The following NRG3 variants were observed in gnomAD, a reference collection of about 807,000 sequenced individuals.
The protein encoded by NRG3 is pro-neuregulin-3, membrane-bound isoform.
NRG3 carries 31 observed loss-of-function variants against 66.9 expected under a neutral mutation model. That is an observed-to-expected ratio of 0.46 (90% CI 0.35 to 0.63). The LOEUF is 0.63. NRG3 is among the 20% of genes least tolerant of loss of function. The pLI, the probability that NRG3 is intolerant of heterozygous loss-of-function variation, is 0.00. For synonymous variants in NRG3, 393 were observed against 359.4 expected, an observed-to-expected ratio of 1.09 and a Z score of -1.06; for missense variants, 910 against 878.9, an observed-to-expected ratio of 1.04 and a Z score of -0.45.
intron 3 of NRG3, among the ~76,000 whole-genome samples, chr10:82,769,113 T>C (rs1393143590): frequency 6.6e-6 from 1 of 152,130 alleles, no homozygotes; most frequent in Non-Finnish European, 1.5e-5. Context: ...TTTTAACCCA[T>C]AAAGAAAATG....
At chr10:81,980,734 A>G (rs775533128) in intron 1 of NRG3, among the ~76,000 whole-genome samples, 3 of 152,170 alleles carry the variant, frequency 2.0e-5, no homozygotes, top group Non-Finnish European at 4.4e-5. Flanking sequence ...TTTTCTCACA[A>G]TTCTGGAGGC....
intron 2 of NRG3, among the ~76,000 whole-genome samples, chr10:82,440,140 G>A (rs1238582029): frequency 6.6e-6 from 1 of 151,810 alleles, no homozygotes; most frequent in Non-Finnish European, 1.5e-5. Flanking sequence ...GACTCTACAG[G>A]TTCTCTATAT....
At chr10:82,381,664 C>T (rs1031266544) in intron 2 of NRG3, among the ~76,000 whole-genome samples, 2 of 152,128 alleles carry the variant, frequency 1.3e-5, no homozygotes, top group Admixed American at 1.3e-4. Flanking sequence ...AAACTTTTCT[C>T]ATATTTTATT....
intron 1 of NRG3, among the ~76,000 whole-genome samples, chr10:82,114,291 A>G (rs1304521893): frequency 6.6e-6 from 1 of 152,142 alleles, no homozygotes; most frequent in African/African-American, 2.4e-5. Context: ...TTAGTGTGCC[A>G]ATTTCTTTGT....
At chr10:81,891,655 T>C (rs755546736) in intron 1 of NRG3, among the ~76,000 whole-genome samples, 8 of 152,164 alleles carry the variant, frequency 5.3e-5, no homozygotes, top group Non-Finnish European at 1.0e-4. Flanking sequence ...CTGTGGAAAG[T>C]TGGAAATAAG....
In NRG3 at chr10:82,136,055, G is replaced by A. The variant is rs894735695; in HGVS notation, c.824-222684G>A. On this transcript the variant is annotated intron_variant, in intron 1 of 8. Transcript: ENST00000372141. ...TTTTTTTGTCACTGCAACCTTATCA[G>A]CATTAGGGGACACACCAAGCCCAGT... Among the ~76,000 whole-genome samples the A allele has an allele frequency of 3.9e-5, 6 of 152,130 alleles. No individual in the cohort carries two copies. In the East Asian group the frequency reaches 1.2e-3, roughly 29 times the overall value.
At chr10:82,122,790 G>T (rs187556934) in intron 1 of NRG3, among the ~76,000 whole-genome samples, 5 of 152,206 alleles carry the variant, frequency 3.3e-5, no homozygotes, top group African/African-American at 1.2e-4. Flanking sequence ...CATTTTTCAT[G>T]AGTTCTTTCA....
chr10:82,723,602 G>T (rs2057428039), intron 2 of NRG3, among the ~76,000 whole-genome samples: 1 of 152,090 alleles, frequency 6.6e-6, no homozygotes, highest in Non-Finnish European at 1.5e-5. Flanking sequence ...AAAATAGAAT[G>T]ATAGTCTATA....
intron 1 of NRG3, among the ~76,000 whole-genome samples, chr10:82,127,748 C>T (rs1250575161): frequency 2.6e-5 from 4 of 151,884 alleles, no homozygotes; most frequent in African/African-American, 9.7e-5. Flanking sequence ...ACTCCTTAGC[C>T]CACACTCTCA....
chr10:82,103,065 AATATCTTTATTT>A (rs2066858042), intron 1 of NRG3, among the ~76,000 whole-genome samples: 1 of 152,106 alleles, frequency 6.6e-6, no homozygotes, highest in Non-Finnish European at 1.5e-5. Flanking sequence ...TTCATCTGAG[AATATCTTTATTT>A]TATCTTCCTT....
intron 4 of NRG3, among the ~76,000 whole-genome samples, chr10:82,936,275 T>C (rs1170561697): frequency 6.6e-6 from 1 of 152,168 alleles, no homozygotes; most frequent in African/African-American, 2.4e-5. Context: ...AGCAAGACCA[T>C]GTGCAAGTCA....
chr10:82,207,788 T>C (rs1048376034), intron 1 of NRG3, among the ~76,000 whole-genome samples: 2 of 152,008 alleles, frequency 1.3e-5, no homozygotes, highest in Admixed American at 6.6e-5. Context: ...TATAAAACCA[T>C]TGGATCTCAT....
intron 2 of NRG3, among the ~76,000 whole-genome samples, chr10:82,402,418 T>G (rs1235625524): frequency 6.6e-6 from 1 of 152,124 alleles, no homozygotes; most frequent in South Asian, 2.1e-4. Context: ...TTTCTCCTTT[T>G]CTAACCAAAG....
chr10:82,517,390 T>G (rs933007625), intron 2 of NRG3, among the ~76,000 whole-genome samples: 3 of 152,196 alleles, frequency 2.0e-5, no homozygotes, highest in African/African-American at 7.2e-5. Flanking sequence ...ATTACAATTA[T>G]TCGTTTGATT....
chr10:82,833,479 C>A (rs1021345988), intron 3 of NRG3, among the ~76,000 whole-genome samples: 5 of 152,262 alleles, frequency 3.3e-5, no homozygotes, highest in Admixed American at 6.5e-5. Flanking sequence ...TCCATCTGCC[C>A]ACCTGTTTGG....
At chr10:82,220,116 G>C (rs1218010978) in intron 1 of NRG3, among the ~76,000 whole-genome samples, 3 of 151,950 alleles carry the variant, frequency 2.0e-5, no homozygotes, top group African/African-American at 7.3e-5. Context: ...TCATTTTGCT[G>C]TCAAGATAGG....
intron 2 of NRG3, among the ~76,000 whole-genome samples, chr10:82,499,962 A>G (rs1003347132): frequency 1.3e-5 from 2 of 152,222 alleles, no homozygotes; most frequent in Non-Finnish European, 2.9e-5. Context: ...GATTTCAAGT[A>G]GCCTTCATTG....
chr10:82,342,361 G>A (rs2082728928), intron 1 of NRG3, among the ~76,000 whole-genome samples: 1 of 151,910 alleles, frequency 6.6e-6, no homozygotes, highest in Non-Finnish European at 1.5e-5. Flanking sequence ...TTCCATAAAG[G>A]TTGTAGCAAT....
chr10:82,318,315 T>A (rs987915205), intron 1 of NRG3, among the ~76,000 whole-genome samples: 1 of 152,136 alleles, frequency 6.6e-6, no homozygotes, highest in African/African-American at 2.4e-5. Flanking sequence ...ATTGGCTTAA[T>A]GAGTTTGGGG....
Sources: allele counts gnomAD v4.1 joint callset (sites outside exome capture counted in the v4.1 genomes callset), GRCh38; gene constraint gnomAD v4.1.1; transcripts MANE v1.5; gene names NCBI Gene and HGNC (gene_info 2026-07-23, HGNC 2026-07-21).